ZMAT1: variants seen among roughly 807,000 people sequenced by gnomAD.
The protein encoded by ZMAT1 is zinc finger matrin-type protein 1.
Under a neutral mutation model 18.5 loss-of-function variants are expected in ZMAT1, and 11 were observed. The observed-to-expected ratio is 0.59, with a 90% confidence interval of 0.37 to 0.98. The LOEUF is 0.98. Ranked by LOEUF, ZMAT1 falls within the 50% of genes least tolerant of loss-of-function variation. The pLI, the probability that ZMAT1 is intolerant of heterozygous loss-of-function variation, is 0.01. For synonymous variants in ZMAT1, 211 were observed against 176.4 expected, an observed-to-expected ratio of 1.20 and a Z score of -1.55; for missense variants, 525 against 496.2, an observed-to-expected ratio of 1.06 and a Z score of -0.55.
chrX:101,921,215 A>G (rs1426422475), intron 1 of ZMAT1, among the ~76,000 whole-genome samples: 1 of 111,440 alleles, frequency 9.0e-6, no homozygotes. Flanking sequence ...CAGAATCACC[A>G]ATTAAAACAT....
Position 101,931,843 on chromosome X carries a change from GGGCGGAGGT to G in ZMAT1, c.157_165del (p.Thr53_Ala55del), listed in dbSNP as rs1268346068. On this transcript the variant is annotated inframe_deletion, in exon 1 of 6. Coordinates refer to ENST00000651725, the MANE Select transcript of ZMAT1 (RefSeq NM_001394560.1). ...CAGCCACCGGCAGGCGGGCAGGCAG[GGGCGGAGGT>G]GGCGGAGGAGGCAGGAACAATTACT... is the stretch of plus-strand genomic sequence containing the variant. 1.3e-6 allele frequency: 1 copy of G among 789,905 alleles called. No homozygotes were observed. Among genetic ancestry groups the G allele is most frequent in the South Asian group, 5.0e-5 (1 of 20,189 alleles). The allele number at this position is 789,905 out of a possible 1,213,427, so 65.1% of individuals were successfully genotyped here. A position where few individuals can be genotyped will look rare whatever the true frequency, so the allele number is the denominator to read the frequency against.
intron 1 of ZMAT1, among the ~76,000 whole-genome samples, chrX:101,905,563 C>T (rs1018506879): frequency 1.8e-5 from 2 of 111,826 alleles, no homozygotes; most frequent in African/African-American, 3.2e-5. Context: ...AAATACAATA[C>T]ATCCAATTCC....
intron 1 of ZMAT1, among the ~76,000 whole-genome samples, chrX:101,919,666 GA>G (rs1281959684): frequency 9.0e-6 from 1 of 111,338 alleles, no homozygotes; most frequent in Non-Finnish European, 1.9e-5. Flanking sequence ...GAATTTGGGG[GA>G]AAAAAAGGTT....
intron 4 of ZMAT1, among the ~76,000 whole-genome samples, chrX:101,897,299 T>G: frequency 1.3e-5 from 1 of 78,391 alleles, no homozygotes; most frequent in Middle Eastern, 9.9e-3. Flanking sequence ...TGAGATCACA[T>G]GGACACAGGA....
chrX:101,898,789 G>A (rs979545108), intron 2 of ZMAT1, among the ~76,000 whole-genome samples: 4 of 111,900 alleles, frequency 3.6e-5, no homozygotes, highest in Non-Finnish European at 7.5e-5. Context: ...GGTGGCTCAC[G>A]CCTGTAATCC....
At chrX:101,925,553 C>A (rs60808613) in intron 1 of ZMAT1, among the ~76,000 whole-genome samples, 6,737 of 111,894 alleles carry the variant, frequency 0.06, 433 homozygotes, top group African/African-American at 0.19. Context: ...AATTATGTAA[C>A]CACTATGGAC....
At chrX:101,902,753 T>C (rs953351890) in intron 2 of ZMAT1, among the ~76,000 whole-genome samples, 7 of 111,884 alleles carry the variant, frequency 6.3e-5, no homozygotes, top group Admixed American at 4.7e-4. Context: ...TAGAGGAAAG[T>C]ATATGACAAA....
intron 1 of ZMAT1, among the ~76,000 whole-genome samples, chrX:101,924,063 T>A (rs957848566): frequency 8.9e-6 from 1 of 111,999 alleles, no homozygotes; most frequent in Non-Finnish European, 1.9e-5. Flanking sequence ...TACATTTGAA[T>A]TTTTTTATGC....
chrX:101,907,054 C>T (rs747393774), intron 1 of ZMAT1, among the ~76,000 whole-genome samples: 2 of 111,978 alleles, frequency 1.8e-5, no homozygotes, highest in South Asian at 7.5e-4. Context: ...CCTCAGTGAT[C>T]ATTTCAATAA....
At position 101,883,913 on chromosome X, in the gene ZMAT1, T is replaced by G. The variant is rs1412431932; in HGVS notation, c.1685A>C (p.Glu562Ala). 2 of 1,210,632 alleles carry G rather than the reference T, an allele frequency of 1.7e-6. No homozygotes were observed. Among genetic ancestry groups the G allele is most frequent in the African/African-American group, 1.7e-5 (1 of 57,674 alleles). The change falls in exon 6 of 6, where the codon GAA becomes GCA. Residue 562 changes from glutamate to alanine, a missense_variant. By Grantham distance (107) the Glu-to-Ala change is moderately radical. Transcript: ENST00000651725. ...KPVPLSLNQQ[E>A]NNSGSYSVES... Reference sequence around the variant, plus strand: ...TACACTGTATGAGCCAGAGTTATTTTCTTGCTGATTAAGGCTCAAGGGTAC... The same window carrying G: ...TACACTGTATGAGCCAGAGTTATTTGCTTGCTGATTAAGGCTCAAGGGTAC...
chrX:101,899,543 G>A (rs899956840), intron 2 of ZMAT1, among the ~76,000 whole-genome samples: 1 of 111,682 alleles, frequency 9.0e-6, no homozygotes, highest in Non-Finnish European at 1.9e-5. Context: ...ACATATCAGA[G>A]AGAACATACG....
chrX:101,920,531 T>A (rs1215499480), intron 1 of ZMAT1, among the ~76,000 whole-genome samples: 2 of 111,956 alleles, frequency 1.8e-5, no homozygotes, highest in African/African-American at 6.5e-5. Flanking sequence ...TATGAAATTA[T>A]AAAAGATACT....
At chrX:101,892,508 G>A (rs1356758757) in intron 4 of ZMAT1, among the ~76,000 whole-genome samples, 3 of 111,580 alleles carry the variant, frequency 2.7e-5, no homozygotes, top group South Asian at 3.7e-4. Flanking sequence ...AAAGATTCAA[G>A]TGTAGGTGAC....
intron 1 of ZMAT1, among the ~76,000 whole-genome samples, chrX:101,929,804 G>A (rs963973548): frequency 1.8e-5 from 2 of 111,448 alleles, no homozygotes; most frequent in African/African-American, 6.5e-5. Context: ...ATGGAAATGT[G>A]ATGGAAAGAC....
intron 1 of ZMAT1, among the ~76,000 whole-genome samples, chrX:101,908,659 G>A (rs1170059755): frequency 9.0e-6 from 1 of 111,574 alleles, no homozygotes; most frequent in Non-Finnish European, 1.9e-5. Context: ...GAGCAGAAAG[G>A]AAAAGCAGAC....
At chrX:101,896,145 T>C (rs1441104781) in intron 4 of ZMAT1, among the ~76,000 whole-genome samples, 1 of 112,017 alleles carries the variant, frequency 8.9e-6, no homozygotes, top group Non-Finnish European at 1.9e-5. Flanking sequence ...TATATTCATA[T>C]AAAAATCAAT....
chrX:101,884,888 A>T, intron 5 of ZMAT1, 67 bp from the exon 6 acceptor site: 1 of 675,330 alleles, frequency 1.5e-6, no homozygotes, highest in Non-Finnish European at 2.1e-6. Context: ...TTGTTCTTAA[A>T]AGTATTAGTC....
chrX:101,921,468 T>A (rs1217505853), intron 1 of ZMAT1, among the ~76,000 whole-genome samples: 1 of 112,261 alleles, frequency 8.9e-6, no homozygotes, highest in Non-Finnish European at 1.9e-5. Context: ...TAATTTCTAA[T>A]CCTTTTTTAG....
At chrX:101,917,415 T>C (rs886195251) in intron 1 of ZMAT1, among the ~76,000 whole-genome samples, 6 of 112,335 alleles carry the variant, frequency 5.3e-5, no homozygotes, top group Admixed American at 3.8e-4. Context: ...GACATACAAA[T>C]GGCAAACATG....
Sources: gnomAD v4.1 joint callset for allele counts (sites outside exome capture counted in the v4.1 genomes callset) on GRCh38, gnomAD v4.1.1 for gene constraint, MANE v1.5 for transcripts, NCBI Gene and HGNC (gene_info 2026-07-23, HGNC 2026-07-21) for gene names.